XYLT1: variants seen among roughly 807,000 people sequenced by gnomAD.
XYLT1 encodes beta-D-xylosyltransferase 1.
A neutral mutation model predicts 91.3 loss-of-function variants in XYLT1; 36 were observed. The ratio of observed to expected loss-of-function variants is 0.39; its 90% CI spans 0.30 to 0.52. The LOEUF (loss-of-function observed/expected upper bound fraction) is 0.52, where lower values mean the gene tolerates loss of function less well. Ranked by LOEUF, XYLT1 falls within the 20% of genes least tolerant of loss-of-function variation. The pLI, the probability that XYLT1 is intolerant of heterozygous loss-of-function variation, is 0.68. For missense variants in XYLT1, 1,242 were observed against 1,284.5 expected, an observed-to-expected ratio of 0.97 and a Z score of 0.51; for synonymous variants, 588 against 532.0, an observed-to-expected ratio of 1.11 and a Z score of -1.45.
chr16:17,294,117 A>G (rs1443610226), intron 2 of XYLT1, among the ~76,000 whole-genome samples: 3 of 152,154 alleles, frequency 2.0e-5, no homozygotes, highest in African/African-American at 4.8e-5. Flanking sequence ...AGCAGTTACA[A>G]GGCTAAGCAA....
At position 17,232,674 on chromosome 16, in the gene XYLT1, T is replaced by C. The variant is rs1423809983; in HGVS notation, c.913+26314A>G. On this transcript the variant is annotated intron_variant, in intron 3 of 11. Coordinates refer to ENST00000261381, the MANE Select transcript of XYLT1 (RefSeq NM_022166.4). Reference sequence around the variant, plus strand: ...GGTGATGGGGATAACAGGATGGTGGTGAAAGAGATAATAAGGTGGTGGTGA... The same window carrying C: ...GGTGATGGGGATAACAGGATGGTGGCGAAAGAGATAATAAGGTGGTGGTGA... Among the ~76,000 whole-genome samples the C allele has an allele frequency of 2.6e-5, 4 of 151,142 alleles. No homozygotes were observed. The South Asian group carries it at 6.3e-4, about 24-fold the overall frequency.
At chr16:17,353,560 T>C (rs1221213786) in intron 2 of XYLT1, among the ~76,000 whole-genome samples, 2 of 152,198 alleles carry the variant, frequency 1.3e-5, no homozygotes, top group African/African-American at 4.8e-5. Flanking sequence ...TTCGGGTCCA[T>C]TGCTTAAACC....
At chr16:17,355,941 T>C (rs36108146) in intron 2 of XYLT1, among the ~76,000 whole-genome samples, 34,050 of 152,044 alleles carry the variant, frequency 0.22, 3,989 homozygotes, top group Middle Eastern at 0.29. Flanking sequence ...CTCGAACTCC[T>C]AGCCTCAAGT....
Position 17,287,331 on chromosome 16 carries a change from A to C in XYLT1, c.403-27833T>G, listed in dbSNP as rs115333548. On this transcript the variant is annotated intron_variant, in intron 2 of 11. Coordinates refer to ENST00000261381, the MANE Select transcript of XYLT1 (RefSeq NM_022166.4). ...CTCAGTGCAGTATCCTCAAGCAGGC[A>C]AACGCTCAGAACGTAGACGGATCCC... is the stretch of plus-strand genomic sequence containing the variant. Among the ~76,000 whole-genome samples, 897 of 152,218 alleles carry C rather than the reference A, an allele frequency of 5.9e-3. 13 individuals carry two copies. Among genetic ancestry groups the C allele is most frequent in the African/African-American group, 0.021 (860 of 41,524 alleles).
intron 6 of XYLT1, among the ~76,000 whole-genome samples, chr16:17,149,350 T>C (rs141784461): frequency 6.6e-6 from 1 of 152,092 alleles, no homozygotes; most frequent in Non-Finnish European, 1.5e-5. Flanking sequence ...AGAAGGAATC[T>C]TCACAAGCAG....
chr16:17,118,125 G>T lies in XYLT1; in HGVS notation c.2224-146C>A, dbSNP rs1553088. On this transcript the variant is annotated intron_variant, in intron 10 of 11. Transcript: ENST00000261381. ...GCTCCAACTAAGTCACCTGCTCAAG[G>T]TTGCACAGCTTGTAAGCAGAAGATC... 0.016 allele frequency: 13,156 copies of T among 806,812 alleles called. 1,180 individuals carry two copies. The African/African-American group carries it at 0.2, about 12-fold the overall frequency. The allele number at this position is 806,812 out of a possible 1,614,324, so 50.0% of individuals were successfully genotyped here.
At chr16:17,348,559 C>A (rs1219943357) in intron 2 of XYLT1, among the ~76,000 whole-genome samples, 1 of 152,088 alleles carries the variant, frequency 6.6e-6, no homozygotes. Context: ...TGTGAGAGCA[C>A]CTTCGCCAAG....
intron 11 of XYLT1, among the ~76,000 whole-genome samples, chr16:17,111,865 T>C (rs1362896768): frequency 1.3e-5 from 2 of 152,162 alleles, no homozygotes; most frequent in Admixed American, 1.3e-4. Context: ...CCACAGTGTT[T>C]GGAAGTCTGG....
chr16:17,261,929 CA>C (rs112716020), intron 2 of XYLT1, among the ~76,000 whole-genome samples: 12,891 of 151,874 alleles, frequency 0.085, 1,278 homozygotes, highest in African/African-American at 0.23. Context: ...CAGATACCTA[CA>C]AAAAAAATCC....
intron 1 of XYLT1, among the ~76,000 whole-genome samples, chr16:17,409,060 G>A (rs1038778408): frequency 6.6e-6 from 1 of 151,696 alleles, no homozygotes; most frequent in Admixed American, 6.6e-5. Flanking sequence ...CTTAGTCAGG[G>A]GAAAAAAGAT....
rs369224097 is a variant in XYLT1 at position 17,226,780 on chromosome 16, C to T, written c.914-26126G>A. On this transcript the variant is annotated intron_variant, in intron 3 of 11. Coordinates refer to ENST00000261381, the MANE Select transcript of XYLT1 (RefSeq NM_022166.4). Reference sequence around the variant, plus strand: ...CCTGGATGACAGAGTGAAACCCTGTCTCAAAAAATAAAAACGAAGTTTCCA... The same window carrying T: ...CCTGGATGACAGAGTGAAACCCTGTTTCAAAAAATAAAAACGAAGTTTCCA... 7.9e-5 allele frequency among the ~76,000 whole-genome samples: 12 copies of T among 152,258 alleles called. No homozygotes were observed. The South Asian group carries it at 2.5e-3, about 32-fold the overall frequency.
chr16:17,271,718 C>G (rs1355061289), intron 2 of XYLT1, among the ~76,000 whole-genome samples: 1 of 152,172 alleles, frequency 6.6e-6, no homozygotes, highest in Non-Finnish European at 1.5e-5. Context: ...TGTCAAATGT[C>G]TCCTGGAGTA....
intron 3 of XYLT1, among the ~76,000 whole-genome samples, chr16:17,216,414 T>A (rs2032861308): frequency 6.6e-6 from 1 of 152,188 alleles, no homozygotes; most frequent in African/African-American, 2.4e-5. Context: ...GGAATTTTCC[T>A]AATAAAAATC....
chr16:17,358,126 T>C lies in XYLT1; in HGVS notation c.364-76A>G, dbSNP rs928190169. 7.1e-5 allele frequency: 98 copies of C among 1,371,156 alleles called. 1 individual carries two copies. Among genetic ancestry groups the C allele is most frequent in the African/African-American group, 1.1e-4 (7 of 64,048 alleles). The allele number at this position is 1,371,156 out of a possible 1,614,324, so 84.9% of individuals were successfully genotyped here. A position where few individuals can be genotyped will look rare whatever the true frequency, so the allele number is the denominator to read the frequency against. On this transcript the variant is annotated intron_variant, in intron 1 of 11. Transcript: ENST00000261381. Reference sequence around the variant, plus strand: ...TACTACCCCAGCATCTTTTTCTTTCTTTCCTTTTTTTTTTTTTTTAAGAGA... The same window carrying C: ...TACTACCCCAGCATCTTTTTCTTTCCTTCCTTTTTTTTTTTTTTTAAGAGA...
chr16:17,400,651 G>A (rs1215016482), intron 1 of XYLT1, among the ~76,000 whole-genome samples: 1 of 149,856 alleles, frequency 6.7e-6, no homozygotes, highest in Non-Finnish European at 1.5e-5. Flanking sequence ...AAGGAAGGAA[G>A]GAAGGAAGGA....
At chr16:17,402,072 G>A (rs1326612129) in intron 1 of XYLT1, among the ~76,000 whole-genome samples, 1 of 151,956 alleles carries the variant, frequency 6.6e-6, no homozygotes, top group African/African-American at 2.4e-5. Flanking sequence ...GCTGAGGCAG[G>A]TGAATAGCTT....
At chr16:17,259,775 C>A (rs2033694769) in intron 2 of XYLT1, among the ~76,000 whole-genome samples, 1 of 152,216 alleles carries the variant, frequency 6.6e-6, no homozygotes, top group African/African-American at 2.4e-5. Flanking sequence ...CACACCTTTT[C>A]AAGTCAGTTT....
chr16:17,118,243 G>T (rs893567127), intron 10 of XYLT1, among the ~76,000 whole-genome samples: 1 of 151,924 alleles, frequency 6.6e-6, no homozygotes, highest in African/African-American at 2.4e-5. Flanking sequence ...CATGTGCTTT[G>T]AAAAGAAAAC....
chr16:17,158,702 C>G, intron 6 of XYLT1, 127 bp downstream of exon 6: 3 of 941,032 alleles, frequency 3.2e-6, no homozygotes, highest in Middle Eastern at 2.2e-4. Context: ...CGAAGGACAG[C>G]TGGTGCCAAG....
Sources: allele counts gnomAD v4.1 joint callset (sites outside exome capture counted in the v4.1 genomes callset), GRCh38; gene constraint gnomAD v4.1.1; transcripts MANE v1.5; gene names NCBI Gene and HGNC (gene_info 2026-07-23, HGNC 2026-07-21).